ZNF844: variants seen among roughly 807,000 people sequenced by gnomAD.
ZNF844 encodes the protein zinc finger protein 844.
A neutral mutation model predicts 11.4 loss-of-function variants in ZNF844; 11 were observed. That is an observed-to-expected ratio of 0.97 (90% CI 0.61 to 1.60). ZNF844 has a LOEUF of 1.60. Ranked by LOEUF, ZNF844 falls within the 40% of genes most tolerant of loss-of-function variation. The probability of loss-of-function intolerance (pLI) is 0.00; values close to 1 mark genes in which losing one functional copy is unlikely to be tolerated. For missense variants in ZNF844, 790 were observed against 796.8 expected (o/e 0.99, Z 0.10); for synonymous variants, 248 against 260.3 (o/e 0.95, Z 0.46).
chr19:12,077,355 A>C lies in ZNF844; in HGVS notation c.*234A>C. 1.2e-6 allele frequency: 1 copy of C among 833,124 alleles called. No homozygotes were observed. Among genetic ancestry groups the C allele is most frequent in the East Asian group, 2.6e-5 (1 of 38,940 alleles). 51.6% of individuals were successfully genotyped at this position (833,124 alleles called of 1,614,324 possible). On this transcript the variant is annotated 3_prime_UTR_variant, in exon 4 of 4. Coordinates refer to ENST00000439326, the MANE Select transcript of ZNF844 (RefSeq NM_001136501.3). ...TTTCAGTTCCATTCAGTACCATGAA[A>C]GGACTCACACTGGAGAGAAACAGTA...
intron 1 of ZNF844, among the ~76,000 whole-genome samples, chr19:12,066,962 T>C (rs367835821): frequency 3.5e-4 from 53 of 152,278 alleles, no homozygotes; most frequent in East Asian, 3.1e-3. Flanking sequence ...TTTTCAGTGT[T>C]ACAGTTTTTG....
At position 12,076,907 on chromosome 19, in the gene ZNF844, A is replaced by G. The variant is rs564063757; in HGVS notation, c.1787A>G (p.Tyr596Cys). 2.0e-4 allele frequency: 315 copies of G among 1,586,162 alleles called. 2 individuals carry two copies. The South Asian group carries it at 3.3e-3, about 17-fold the overall frequency. Reference sequence around the variant, plus strand: ...GTAAAGAGTGTGACAAAGCATTCATATCTGCCAAGATCCTTCGAGTACATG... The same window carrying G: ...GTAAAGAGTGTGACAAAGCATTCATGTCTGCCAAGATCCTTCGAGTACATG... ...MNVKSVTKHSYLPRSFEYMQE... is the reference protein window; with the variant it reads ...MNVKSVTKHSCLPRSFEYMQE... Residue 596 changes from tyrosine to cysteine, a missense_variant, in exon 4 of 4, where the codon TAT (tyrosine) becomes TGT (cysteine). Transcript: ENST00000439326.
At chr19:12,073,291 C>T (rs1025303990) in intron 1 of ZNF844, among the ~76,000 whole-genome samples, 3 of 152,054 alleles carry the variant, frequency 2.0e-5, no homozygotes, top group Admixed American at 2.0e-4. Flanking sequence ...TCCCGAGTAC[C>T]TGGGATTACA....
chr19:12,075,807 A>G lies in ZNF844; in HGVS notation c.687A>G (p.Gln229=). ...HTGEKPYKCK[Q]CGKAFSYSTS... is the part of the protein sequence containing the mutation. ...GAGAGAAACCATATAAATGTAAACAATGTGGTAAAGCCTTTAGTTATTCAA... is the reference window on the plus strand; with the variant it reads ...GAGAGAAACCATATAAATGTAAACAGTGTGGTAAAGCCTTTAGTTATTCAA... Residue 229 remains glutamine (Q), a synonymous_variant, in exon 4 of 4, where the codon CAA becomes CAG. Coordinates refer to ENST00000439326, the MANE Select transcript of ZNF844 (RefSeq NM_001136501.3). 2 of 1,611,830 alleles carry G rather than the reference A, an allele frequency of 1.2e-6. No homozygotes were observed. Among genetic ancestry groups the G allele is most frequent in the Non-Finnish European group, 1.7e-6 (2 of 1,178,902 alleles).
chr19:12,068,866 C>T (rs1246762610), intron 1 of ZNF844, among the ~76,000 whole-genome samples: 2 of 152,104 alleles, frequency 1.3e-5, no homozygotes, highest in African/African-American at 2.4e-5. Flanking sequence ...CAGACCTGAG[C>T]CCAGTGACTG....
chr19:12,071,883 C>CTTTTTTTTTT (rs533482850), intron 1 of ZNF844, among the ~76,000 whole-genome samples: 17 of 139,268 alleles, frequency 1.2e-4, no homozygotes, highest in South Asian at 2.3e-4. Flanking sequence ...AATTTTTTTT[C>CTTTTTTTTTT]TTTTTTTTTT....
Position 12,076,270 on chromosome 19 carries a change from G to A in ZNF844, c.1150G>A (p.Glu384Lys). 1 of 1,613,300 alleles carries A rather than the reference G, an allele frequency of 6.2e-7. No individual in the cohort carries two copies. The highest frequency in any genetic ancestry group is 8.5e-7 in the Non-Finnish European group (1 of 1,179,636). ...ILPVRFEDMK[E>K]LTLERNLMNA... Reference sequence around the variant, plus strand: ...CCCAGTTCGTTTTGAAGACATGAAAGAACTCACACTGGAGAGAAACCTTAT... The same window carrying A: ...CCCAGTTCGTTTTGAAGACATGAAAAAACTCACACTGGAGAGAAACCTTAT... The change falls in exon 4 of 4, where the codon GAA becomes AAA. Residue 384 changes from glutamate to lysine, a missense_variant. Physicochemically the swap from Glu to Lys is moderately conservative, Grantham distance 56 (BLOSUM62 1). Around this residue, in one of 3 missense-constraint regions of ZNF844, gnomAD observed 657 missense variants for 636.2 expected, o/e 1.03. Transcript: ENST00000439326.
rs1322355566 is a variant in ZNF844 at position 12,076,214 on chromosome 19, A to T, written c.1094A>T (p.Lys365Ile). Residue 365 changes from lysine to isoleucine, a missense_variant, in exon 4 of 4, where the codon AAA (lysine) becomes ATA (isoleucine). By Grantham distance (102) the Lys-to-Ile change is moderately radical (BLOSUM62 -3). Coordinates refer to ENST00000439326, the MANE Select transcript of ZNF844 (RefSeq NM_001136501.3). ...MKMHTRMRPY[K>I]CKTVEKPLIL... is the part of the protein sequence containing the mutation. ...ATGCACACTAGAATGAGACCTTATA[A>T]ATGTAAGACTGTGGAAAAGCCTTTG... 1 of 1,597,856 alleles carries T rather than the reference A, an allele frequency of 6.3e-7. No homozygotes were observed. The highest frequency in any genetic ancestry group is 8.5e-7 in the Non-Finnish European group (1 of 1,171,962).
chr19:12,075,490 G>C lies in ZNF844; in HGVS notation c.370G>C (p.Ala124Pro). 1 of 1,613,656 alleles carries C rather than the reference G, an allele frequency of 6.2e-7. No homozygotes were observed. Among genetic ancestry groups the C allele is most frequent in the Non-Finnish European group, 8.5e-7 (1 of 1,179,876 alleles). ...TTCTTCCCTTAATAGGCACATTAGA[G>C]CTGACACTGCACACAAGCCGTCTGA... The part of the protein sequence containing the change: ...GHSSLNRHIR[A>P]DTAHKPSEYQ... The change falls in exon 4 of 4, where the codon GCT (alanine) becomes CCT (proline). Residue 124 changes from alanine to proline, a missense_variant. Ala to Pro is a conservative substitution (Grantham distance 27, BLOSUM62 -1). Around this residue, in one of 3 missense-constraint regions of ZNF844, gnomAD observed 129 missense variants for 144.0 expected, o/e 0.90. Transcript: ENST00000439326.
chr19:12,068,471 TA>T (rs1262751444), intron 1 of ZNF844, among the ~76,000 whole-genome samples: 1 of 151,054 alleles, frequency 6.6e-6, no homozygotes, highest in Non-Finnish European at 1.5e-5. Flanking sequence ...ATTAAAAAAA[TA>T]TATACAAAAA....
In ZNF844 at chr19:12,079,267, C is replaced by T. The variant is rs1975866625; in HGVS notation, c.*2146C>T. On this transcript the variant is annotated 3_prime_UTR_variant, in exon 4 of 4. Coordinates refer to ENST00000439326, the MANE Select transcript of ZNF844 (RefSeq NM_001136501.3). ...AGATCCTTTTGTAGCCATGAAAGAA[C>T]TCGCTGAAGAGAAACCCTGTAAATG... 1 of 152,180 alleles carries T rather than the reference C, an allele frequency of 6.6e-6. No homozygotes were observed. The highest frequency in any genetic ancestry group is 2.4e-5 in the African/African-American group (1 of 41,452). 9.4% of individuals were successfully genotyped at this position (152,180 alleles called of 1,614,324 possible).
chr19:12,075,434 G>T lies in ZNF844; in HGVS notation c.314G>T (p.Ser105Ile). The T allele has an allele frequency of 1.2e-6, 2 of 1,610,914 alleles. No homozygotes were observed. The highest frequency in any genetic ancestry group is 1.7e-6 in the Non-Finnish European group (2 of 1,178,860). Residue 105 changes from serine to isoleucine, a missense_variant, in exon 4 of 4, where the codon AGC becomes ATC. Around this residue, in one of 3 missense-constraint regions of ZNF844, gnomAD observed 129 missense variants for 144.0 expected, o/e 0.90. Transcript: ENST00000439326. ...KTSPGVKSCE[S>I]SVCGEVFVGH... ...TCTCCTGGAGTAAAATCATGTGAAA[G>T]CAGTGTGTGTGGAGAAGTCTTCGTG...
chr19:12,080,147 G>A lies in ZNF844; in HGVS notation c.*3026G>A, dbSNP rs1049505236. ...GCGGATCACGAGGTCAGGAGATCAAGACCATCCTGGCTGACACGGTGAAAC... is the reference window on the plus strand; with the variant it reads ...GCGGATCACGAGGTCAGGAGATCAAAACCATCCTGGCTGACACGGTGAAAC... On this transcript the variant is annotated 3_prime_UTR_variant, in exon 4 of 4. Transcript: ENST00000439326. 1.1e-5 allele frequency: 2 copies of A among 181,682 alleles called. No individual in the cohort carries two copies. The highest frequency in any genetic ancestry group is 4.8e-5 in the African/African-American group (2 of 41,582). 11.3% of individuals were successfully genotyped at this position (181,682 alleles called of 1,614,324 possible). A position where few individuals can be genotyped will look rare whatever the true frequency, so the allele number is the denominator to read the frequency against.
rs80186949 is a variant in ZNF844 at position 12,066,530 on chromosome 19, CTT to C, written c.3+1677_3+1678del. 1.2e-3 allele frequency among the ~76,000 whole-genome samples: 110 copies of C among 92,320 alleles called. 1 individual carries two copies. Among genetic ancestry groups the C allele is most frequent in the South Asian group, 0.012 (27 of 2,312 alleles). The allele number at this position is 92,320 out of a possible 152,430, so 60.6% of individuals were successfully genotyped here. A position where few individuals can be genotyped will look rare whatever the true frequency, so the allele number is the denominator to read the frequency against. On this transcript the variant is annotated intron_variant, in intron 1 of 3. Coordinates refer to ENST00000439326, the MANE Select transcript of ZNF844 (RefSeq NM_001136501.3). ...ATTTAAACTATAACATAAATGTCTT[CTT>C]TTTTTTTTTTTTTTTTTTTTTTGTT... is the stretch of plus-strand genomic sequence containing the variant.
At chr19:12,071,833 A>G (rs545473079) in intron 1 of ZNF844, among the ~76,000 whole-genome samples, 2 of 149,552 alleles carry the variant, frequency 1.3e-5, no homozygotes, top group South Asian at 4.2e-4. Flanking sequence ...ATAATACTGT[A>G]TTTTTGTGAC....
rs1975829624 is a variant in ZNF844 at position 12,076,815 on chromosome 19, G to A, written c.1695G>A (p.Lys565=). Residue 565 remains lysine (K), a synonymous_variant, in exon 4 of 4, where the codon AAG becomes AAA. Transcript: ENST00000439326. ...LERNPIRNME[K]HSTISLPFKY... ...GAAACCCTATAAGGAATATGGAAAAGCATTCAACAATTTCTCTTCCTTTCA... is the reference window on the plus strand; with the variant it reads ...GAAACCCTATAAGGAATATGGAAAAACATTCAACAATTTCTCTTCCTTTCA... The A allele has an allele frequency of 6.4e-7, 1 of 1,561,594 alleles. No homozygotes were observed. Among genetic ancestry groups the A allele is most frequent in the Non-Finnish European group, 8.7e-7 (1 of 1,152,084 alleles).
rs1390897994 is a variant in ZNF844, at chr19:12,076,100, A to G, written c.980A>G (p.His327Arg). ...AAGTGTCCCAGTTATCTTTGTAGAC[A>G]TGAAGTGACCCACTCTGGGAAAAAG... Reference protein sequence around the residue: ...AFKCPSYLCRHEVTHSGKKPC... With the variant: ...AFKCPSYLCRREVTHSGKKPC... Residue 327 changes from histidine (H) to arginine (R), a missense_variant, in exon 4 of 4, where the codon CAT (histidine) becomes CGT (arginine). His to Arg is a conservative substitution (Grantham distance 29). Transcript: ENST00000439326. The G allele has an allele frequency of 1.9e-6, 3 of 1,567,454 alleles. No individual in the cohort carries two copies. Among genetic ancestry groups the G allele is most frequent in the South Asian group, 2.3e-5 (2 of 86,470 alleles).
rs149704617 is a variant in ZNF844, at chr19:12,080,243, G to T, written c.*3122G>T. The T allele has an allele frequency of 6.2e-5, 13 of 211,054 alleles. No individual in the cohort carries two copies. In the East Asian group the frequency reaches 2.0e-3, roughly 32 times the overall value. 13.1% of individuals were successfully genotyped at this position (211,054 alleles called of 1,614,324 possible). ...TGGGCGCCTGTAGTCCCAGCTACTC[G>T]GGAGGCTGAAGCAGGAGAATGGCGT... On this transcript the variant is annotated 3_prime_UTR_variant, in exon 4 of 4. Coordinates refer to ENST00000439326, the MANE Select transcript of ZNF844 (RefSeq NM_001136501.3).
In ZNF844 at chr19:12,075,668, G is replaced by A; in HGVS notation, c.548G>A (p.Ser183Asn). Residue 183 changes from serine (S) to asparagine (N), a missense_variant, in exon 4 of 4, where the codon AGC (serine) becomes AAC (asparagine). Coordinates refer to ENST00000439326, the MANE Select transcript of ZNF844 (RefSeq NM_001136501.3). ...GGAAAAACCTTCATATCCCATTCAA[G>A]CATTCAAAGACACATGATAATGCAC... Reference protein sequence around the residue: ...ECGKTFISHSSIQRHMIMHNG... With the variant: ...ECGKTFISHSNIQRHMIMHNG... The A allele has an allele frequency of 8.1e-6, 13 of 1,612,148 alleles. No individual in the cohort carries two copies. Among genetic ancestry groups the A allele is most frequent in the Admixed American group, 1.7e-5 (1 of 59,402 alleles).
Sources: gnomAD v4.1 joint callset for allele counts (sites outside exome capture counted in the v4.1 genomes callset) on GRCh38, gnomAD v4.1.1 for gene constraint, gnomAD v4.1.1 regional missense constraint, MANE v1.5 for transcripts, NCBI Gene and HGNC (gene_info 2026-07-23, HGNC 2026-07-21) for gene names.